Variants in APBA1 observed in about 807,000 individuals in gnomAD.
APBA1 encodes the protein amyloid beta precursor protein binding family A member 1, also known as amyloid-beta A4 precursor protein-binding family A member 1.
APBA1 carries 55 observed loss-of-function variants against 86.6 expected under a neutral mutation model. That is an observed-to-expected ratio of 0.64 (90% CI 0.51 to 0.80). The LOEUF is 0.80. Among genes scored for constraint, APBA1 ranks in the 30% least tolerant of loss-of-function variants. The probability of loss-of-function intolerance (pLI) is 0.00; values close to 1 mark genes in which losing one functional copy is unlikely to be tolerated. For synonymous variants in APBA1, 511 were observed against 493.9 expected, an observed-to-expected ratio of 1.03 and a Z score of -0.46; for missense variants, 1,090 against 1,183.0, an observed-to-expected ratio of 0.92 and a Z score of 1.15.
intron 1 of APBA1, among the ~76,000 whole-genome samples, chr9:69,651,984 G>A (rs1823513176): frequency 6.6e-6 from 1 of 152,152 alleles, no homozygotes. Flanking sequence ...CATATGGATG[G>A]GGCCCTAATC....
At chr9:69,541,313 A>T (rs1836608010) in intron 1 of APBA1, among the ~76,000 whole-genome samples, 1 of 46,978 alleles carries the variant, frequency 2.1e-5, no homozygotes, top group African/African-American at 7.6e-5. Context: ...CCAATAGTAT[A>T]CAGGGGTTTC....
rs778096964 is a variant in APBA1 at position 69,436,176 on chromosome 9, C to G, written c.2302-3500G>C. The stretch of plus-strand genomic sequence containing the variant: ...TACCAGTACCATGCTGTTTTGGTTA[C>G]TATAGCCTTGTAGTATAGTTTGAAG... On this transcript the variant is annotated intron_variant, in intron 11 of 12. Transcript: ENST00000265381. Among the ~76,000 whole-genome samples the G allele has an allele frequency of 1.3e-5, 2 of 149,998 alleles. 1 individual carries two copies. Among genetic ancestry groups the G allele is most frequent in the Non-Finnish European group, 3.0e-5 (2 of 67,166 alleles).
At chr9:69,624,151 G>GA (rs1822881258) in intron 1 of APBA1, among the ~76,000 whole-genome samples, 1 of 152,142 alleles carries the variant, frequency 6.6e-6, no homozygotes, top group African/African-American at 2.4e-5. Context: ...AGCTTTCAGT[G>GA]AAAATCAAAC....
chr9:69,454,109 T>TGCTC (rs571632467), intron 8 of APBA1, among the ~76,000 whole-genome samples: 20 of 152,308 alleles, frequency 1.3e-4, no homozygotes, highest in Non-Finnish European at 2.6e-4. Context: ...TAACCTCCAC[T>TGCTC]GCTCTTTCCC....
intron 2 of APBA1, among the ~76,000 whole-genome samples, chr9:69,491,058 G>A (rs902298612): frequency 1.3e-5 from 2 of 152,072 alleles, no homozygotes; most frequent in African/African-American, 4.8e-5. Context: ...GATTCCTCAA[G>A]GATCTAGAAC....
At chr9:69,597,343 T>G (rs534521868) in intron 1 of APBA1, among the ~76,000 whole-genome samples, 17 of 152,316 alleles carry the variant, frequency 1.1e-4, no homozygotes, top group South Asian at 8.3e-4. Flanking sequence ...CATGTCCTTC[T>G]CCCACTTTTT....
chr9:69,671,539 T>C (rs2134036088), intron 1 of APBA1, among the ~76,000 whole-genome samples: 1 of 152,312 alleles, frequency 6.6e-6, no homozygotes, highest in South Asian at 2.1e-4. Flanking sequence ...TCCCACAGTC[T>C]TAGCCGGTGA....
intron 3 of APBA1, among the ~76,000 whole-genome samples, chr9:69,474,548 T>C (rs1835412464): frequency 6.6e-6 from 1 of 152,234 alleles, no homozygotes; most frequent in South Asian, 2.1e-4. Context: ...CTTTTCTTCT[T>C]ACTATTTGTT....
rs1027252284 is a variant in APBA1, at chr9:69,578,987, A to C, written c.-69-61708T>G. ...ACTACAGGAAGCCATTCTTTTACTG[A>C]GTAAAAGAGGGTTAGTGAATGCAGT... On this transcript the variant is annotated intron_variant, in intron 1 of 12. Coordinates refer to ENST00000265381, the MANE Select transcript of APBA1 (RefSeq NM_001163.4). Among the ~76,000 whole-genome samples, 8 of 152,284 alleles carry C rather than the reference A, an allele frequency of 5.3e-5. 1 individual carries two copies. Among genetic ancestry groups the C allele is most frequent in the Admixed American group, 6.5e-5 (1 of 15,298 alleles).
At chr9:69,528,825 T>C (rs892993391) in intron 1 of APBA1, among the ~76,000 whole-genome samples, 1 of 152,008 alleles carries the variant, frequency 6.6e-6, no homozygotes, top group African/African-American at 2.4e-5. Context: ...TTAAGCTATG[T>C]TAGTTTTCAG....
intron 1 of APBA1, among the ~76,000 whole-genome samples, chr9:69,568,959 C>T (rs1252037648): frequency 1.3e-5 from 2 of 152,262 alleles, no homozygotes; most frequent in Non-Finnish European, 2.9e-5. Flanking sequence ...GGACTTTCCA[C>T]AAGAGCTGAG....
chr9:69,455,386 A>T (rs1835078769), intron 8 of APBA1, among the ~76,000 whole-genome samples: 1 of 152,080 alleles, frequency 6.6e-6, no homozygotes, highest in Non-Finnish European at 1.5e-5. Flanking sequence ...GAGGCCCAGG[A>T]TGGTGCGGGG....
intron 1 of APBA1, among the ~76,000 whole-genome samples, chr9:69,524,704 T>C (rs1836315323): frequency 6.6e-6 from 1 of 151,948 alleles, no homozygotes; most frequent in African/African-American, 2.4e-5. Flanking sequence ...ACAAAAATTA[T>C]GGAGAAGGGA....
chr9:69,519,687 A>G (rs999448032), intron 1 of APBA1, among the ~76,000 whole-genome samples: 69 of 152,236 alleles, frequency 4.5e-4, no homozygotes, highest in African/African-American at 1.7e-3. Context: ...AACCACAGAA[A>G]GTACCTGAAT....
intron 5 of APBA1, among the ~76,000 whole-genome samples, 168 bp from the exon 6 acceptor site, chr9:69,458,356 A>G (rs1315143454): frequency 1.3e-5 from 2 of 152,260 alleles, no homozygotes; most frequent in Non-Finnish European, 2.9e-5. Context: ...TCAATGTCGT[A>G]ATTCAGAATT....
chr9:69,670,587 A>T (rs1406099786), intron 1 of APBA1, among the ~76,000 whole-genome samples: 4 of 152,146 alleles, frequency 2.6e-5, no homozygotes, highest in Admixed American at 2.6e-4. Flanking sequence ...GGTGAGGGGG[A>T]ATCACACTGC....
chr9:69,435,110 C>CAAAG (rs1554687414), intron 11 of APBA1, among the ~76,000 whole-genome samples: 1 of 152,028 alleles, frequency 6.6e-6, no homozygotes, highest in East Asian at 1.9e-4. Context: ...CATGTCCCTA[C>CAAAG]AAAGGACATG....
intron 1 of APBA1, among the ~76,000 whole-genome samples, chr9:69,624,773 A>C (rs561358430): frequency 6.6e-6 from 1 of 152,350 alleles, no homozygotes; most frequent in South Asian, 2.1e-4. Flanking sequence ...TTACAGTTCA[A>C]GTTCTCACAA....
At chr9:69,524,915 G>T (rs1374652092) in intron 1 of APBA1, among the ~76,000 whole-genome samples, 2 of 152,200 alleles carry the variant, frequency 1.3e-5, no homozygotes, top group Admixed American at 1.3e-4. Flanking sequence ...GGGATGCAAG[G>T]TTGGTTCAAC....
Sources: gnomAD v4.1 joint callset for allele counts (sites outside exome capture counted in the v4.1 genomes callset) on GRCh38, gnomAD v4.1.1 for gene constraint, MANE v1.5 for transcripts, NCBI Gene and HGNC (gene_info 2026-07-23, HGNC 2026-07-21) for gene names.